Variants in PARD6G observed in about 807,000 individuals in gnomAD.
The protein encoded by PARD6G is par-6 family cell polarity regulator gamma, also known as partitioning defective 6 homolog gamma.
A neutral mutation model predicts 10.7 loss-of-function variants in PARD6G; 7 were observed. The ratio of observed to expected loss-of-function variants is 0.66; its 90% confidence interval spans 0.37 to 1.23. The LOEUF (loss-of-function observed/expected upper bound fraction) is 1.23. Ranked by LOEUF, PARD6G falls within the 50% of genes most tolerant of loss-of-function variation. PARD6G has a pLI of 0.02. For synonymous variants in PARD6G, 287 were observed against 269.4 expected, an observed-to-expected ratio of 1.07 and a Z score of -0.64; for missense variants, 548 against 571.8, an observed-to-expected ratio of 0.96 and a Z score of 0.42.
chr18:80,236,484 G>A (rs1453502021), intron 1 of PARD6G, among the ~76,000 whole-genome samples: 12 of 152,152 alleles, frequency 7.9e-5, no homozygotes, highest in Non-Finnish European at 1.6e-4. Flanking sequence ...TCAACATAGT[G>A]TTGGAAGTTC....
At position 80,165,260 on chromosome 18, in the gene PARD6G, G is replaced by T. The variant is rs139896262; in HGVS notation, c.296-4654C>A. On this transcript the variant is annotated intron_variant, in intron 2 of 2. Coordinates refer to ENST00000353265, the MANE Select transcript of PARD6G (RefSeq NM_032510.4). ...CCTAGGAATGCATTCCTTTCCCAGG[G>T]TATTAATATTAATATTCCTTGCTAA... Among the ~76,000 whole-genome samples, 480 of 152,198 alleles carry T rather than the reference G, an allele frequency of 3.2e-3. 5 individuals are homozygous for T. Among genetic ancestry groups the T allele is most frequent in the African/African-American group, 1.0e-2 (414 of 41,512 alleles).
intron 1 of PARD6G, among the ~76,000 whole-genome samples, chr18:80,237,779 A>G (rs1390444721): frequency 6.6e-6 from 1 of 152,194 alleles, no homozygotes; most frequent in Non-Finnish European, 1.5e-5. Context: ...GAGAAATGCA[A>G]ATCAAAACCA....
chr18:80,239,817 A>G lies in PARD6G; in HGVS notation c.72+7460T>C, dbSNP rs1040715814. 1.1e-4 allele frequency among the ~76,000 whole-genome samples: 17 copies of G among 152,294 alleles called. 1 individual carries two copies. Among genetic ancestry groups the G allele is most frequent in the Non-Finnish European group, 2.9e-5 (2 of 68,050 alleles). ...TCAGGGATGCCCCGGCAATGAGCCA[A>G]CTGGCAAATCAATGTATCAATACAT... On this transcript the variant is annotated intron_variant, in intron 1 of 2. Transcript: ENST00000353265.
rs890739207 is a variant in PARD6G, at chr18:80,192,547, G to A, written c.295+10163C>T. 4.6e-5 allele frequency among the ~76,000 whole-genome samples: 7 copies of A among 151,806 alleles called. No homozygotes were observed. Among genetic ancestry groups the A allele is most frequent in the African/African-American group, 1.7e-4 (7 of 41,256 alleles). ...CCACGGCGGGAGCCCAGGGGATGGGGGAGAGCAGGTGCCACGGCGGGAGCC... is the reference window on the plus strand; with the variant it reads ...CCACGGCGGGAGCCCAGGGGATGGGAGAGAGCAGGTGCCACGGCGGGAGCC... On this transcript the variant is annotated intron_variant, in intron 2 of 2. Transcript: ENST00000353265. This position sits in a 1 kb window ranked among gnomAD's most constrained non-coding sequence, Gnocchi z 4.9.
rs891449447 is a variant in PARD6G at position 80,161,362 on chromosome 18, C to T, written c.296-756G>A. On this transcript the variant is annotated intron_variant, in intron 2 of 2. Transcript: ENST00000353265. This position sits in a 1 kb window ranked among gnomAD's most constrained non-coding sequence, Gnocchi z 4.6. ...GGTCTCCCAGGGACCCTGTGGGATC[C>T]GCCTGCCCACACCTGCCAGCCTGTG... 2.6e-5 allele frequency among the ~76,000 whole-genome samples: 4 copies of T among 152,130 alleles called. No homozygotes were observed. The highest frequency in any genetic ancestry group is 7.2e-5 in the African/African-American group (3 of 41,428).
chr18:80,197,789 C>G (rs1966971366), intron 2 of PARD6G, among the ~76,000 whole-genome samples: 1 of 152,224 alleles, frequency 6.6e-6, no homozygotes, highest in Non-Finnish European at 1.5e-5. Context: ...TGGCAAGGGC[C>G]AGCTTCCCAA....
chr18:80,159,741 G>A lies in PARD6G; in HGVS notation c.*30C>T. 2.2e-6 allele frequency: 3 copies of A among 1,372,976 alleles called. No homozygotes were observed. Among genetic ancestry groups the A allele is most frequent in the Middle Eastern group, 1.9e-4 (1 of 5,296 alleles). The allele number at this position is 1,372,976 out of a possible 1,614,324, so 85.0% of individuals were successfully genotyped here. On this transcript the variant is annotated 3_prime_UTR_variant, in exon 3 of 3. Transcript: ENST00000353265. ...CTGTCCCTGTCCTTACCGGGGAACT[G>A]GAGCTAGGATTTGGGGGCCTCTCGG...
chr18:80,223,452 G>T (rs1967253994), intron 1 of PARD6G, among the ~76,000 whole-genome samples: 1 of 152,068 alleles, frequency 6.6e-6, no homozygotes, highest in African/African-American at 2.4e-5. Context: ...CATTAAAAAT[G>T]GTCAAATAAC....
At chr18:80,245,807 T>C in intron 1 of PARD6G, among the ~76,000 whole-genome samples, 1 of 151,868 alleles carries the variant, frequency 6.6e-6, no homozygotes. Context: ...CACACTTGAT[T>C]TGGGGGAGCT....
At chr18:80,241,094 A>G (rs1967484979) in intron 1 of PARD6G, among the ~76,000 whole-genome samples, 1 of 152,154 alleles carries the variant, frequency 6.6e-6, no homozygotes, top group Admixed American at 6.5e-5. Context: ...TCCCCATAAA[A>G]CACAAGACTA....
intron 1 of PARD6G, among the ~76,000 whole-genome samples, chr18:80,205,880 TA>T (rs2145283239): frequency 6.6e-6 from 1 of 152,346 alleles, no homozygotes; most frequent in South Asian, 2.1e-4. Flanking sequence ...ACTGAATACA[TA>T]AGATAATTTA....
rs1039604112 is a variant in PARD6G at position 80,231,221 on chromosome 18, G to T, written c.72+16056C>A. Reference sequence around the variant, plus strand: ...GGAGACTCTAGTGCTGAGAGGTAGGGCCAGGGGAAAGGTGCTGGGGGTTGG... The same window carrying T: ...GGAGACTCTAGTGCTGAGAGGTAGGTCCAGGGGAAAGGTGCTGGGGGTTGG... On this transcript the variant is annotated intron_variant, in intron 1 of 2. Transcript: ENST00000353265. The surrounding 1 kb of genome is among the most constrained non-coding windows in gnomAD (Gnocchi z 4.2). 6.6e-6 allele frequency among the ~76,000 whole-genome samples: 1 copy of T among 152,238 alleles called. No individual in the cohort carries two copies. The highest frequency in any genetic ancestry group is 6.5e-5 in the Admixed American group (1 of 15,282).
At position 80,247,026 on chromosome 18, in the gene PARD6G, T is replaced by A. The variant is rs1967559415; in HGVS notation, c.72+251A>T. On this transcript the variant is annotated intron_variant, in intron 1 of 2. Transcript: ENST00000353265. This position sits in a 1 kb window ranked among gnomAD's most constrained non-coding sequence, Gnocchi z 4.2. ...CAGCTCCCGCGGAGCGGGTCCAGAG[T>A]CTGCCCGGACTGTCCGATGGCCCTC... Among the ~76,000 whole-genome samples, 1 of 151,922 alleles carries A rather than the reference T, an allele frequency of 6.6e-6. No homozygotes were observed. The highest frequency in any genetic ancestry group is 1.5e-5 in the Non-Finnish European group (1 of 67,956).
intron 2 of PARD6G, among the ~76,000 whole-genome samples, chr18:80,194,293 G>A (rs901680349): frequency 2.0e-5 from 3 of 152,268 alleles, no homozygotes; most frequent in Admixed American, 1.3e-4. Context: ...CGTGCCTGTC[G>A]CTACCTCTGC....
intron 2 of PARD6G, among the ~76,000 whole-genome samples, chr18:80,167,115 G>A (rs11661588): frequency 0.19 from 28,338 of 152,182 alleles, 2,855 homozygotes; most frequent in Middle Eastern, 0.28. Context: ...CACCCATTGG[G>A]CCTCACAGGT....
rs777597058 is a variant in PARD6G at position 80,200,106 on chromosome 18, C to T, written c.295+2604G>A. Among the ~76,000 whole-genome samples, 7 of 152,068 alleles carry T rather than the reference C, an allele frequency of 4.6e-5. No homozygotes were observed. Among genetic ancestry groups the T allele is most frequent in the East Asian group, 1.9e-4 (1 of 5,194 alleles). On this transcript the variant is annotated intron_variant, in intron 2 of 2. Coordinates refer to ENST00000353265, the MANE Select transcript of PARD6G (RefSeq NM_032510.4). This position sits in a 1 kb window ranked among gnomAD's most constrained non-coding sequence, Gnocchi z 4.4. ...TATTAAGTAAATGACACAGTGGGTA[C>T]GGCTGCAGTAGAATCTTGAAAATAG...
chr18:80,182,939 C>T lies in PARD6G; in HGVS notation c.295+19771G>A. 2 of 610,082 alleles carry T rather than the reference C, an allele frequency of 3.3e-6. No individual in the cohort carries two copies. Among genetic ancestry groups the T allele is most frequent in the South Asian group, 1.9e-5 (1 of 51,646 alleles). The allele number at this position is 610,082 out of a possible 1,614,324, so 37.8% of individuals were successfully genotyped here. A position where few individuals can be genotyped will look rare whatever the true frequency, so the allele number is the denominator to read the frequency against. On this transcript the variant is annotated intron_variant, in intron 2 of 2. Transcript: ENST00000353265. The surrounding 1 kb of genome is among the most constrained non-coding windows in gnomAD (Gnocchi z 4.5). ...CTGCGTGTGCCACAACACTGCAGGCCCCACACCACGCAGCCAGACGCCCCT... is the reference window on the plus strand; with the variant it reads ...CTGCGTGTGCCACAACACTGCAGGCTCCACACCACGCAGCCAGACGCCCCT...
chr18:80,167,381 G>A (rs1231469067), intron 2 of PARD6G, among the ~76,000 whole-genome samples: 1 of 152,168 alleles, frequency 6.6e-6, no homozygotes, highest in Non-Finnish European at 1.5e-5. Context: ...CAGTGCTGAG[G>A]ACAGGGCACG....
chr18:80,238,654 C>T (rs1324586769), intron 1 of PARD6G, among the ~76,000 whole-genome samples: 1 of 152,012 alleles, frequency 6.6e-6, no homozygotes, highest in Non-Finnish European at 1.5e-5. Flanking sequence ...TGTTCTGCAT[C>T]TTGACCACCA....
Sources: allele counts gnomAD v4.1 joint callset (sites outside exome capture counted in the v4.1 genomes callset), GRCh38; gene constraint gnomAD v4.1.1; non-coding constraint Gnocchi (gnomAD v3.1); transcripts MANE v1.5; gene names NCBI Gene and HGNC (gene_info 2026-07-23, HGNC 2026-07-21).